The following SH2D3C variants were observed in gnomAD, a reference collection of about 807,000 sequenced individuals.
The protein encoded by SH2D3C is SH2 domain-containing protein 3C.
Under a neutral mutation model 75.2 loss-of-function variants are expected in SH2D3C, and 25 were observed. That is an observed-to-expected ratio of 0.33 (90% CI 0.24 to 0.46). The LOEUF (loss-of-function observed/expected upper bound fraction) is 0.46. Ranked by LOEUF, SH2D3C falls within the 20% of genes least tolerant of loss-of-function variation. The pLI, the probability that SH2D3C is intolerant of heterozygous loss-of-function variation, is 1.00. For missense variants in SH2D3C, 933 were observed against 1,165.3 expected, an observed-to-expected ratio of 0.80 and a Z score of 2.90; for synonymous variants, 450 against 473.7, an observed-to-expected ratio of 0.95 and a Z score of 0.65.
At chr9:127,750,217 G>A (rs1323559820) in intron 4 of SH2D3C, among the ~76,000 whole-genome samples, 1 of 151,556 alleles carries the variant, frequency 6.6e-6, no homozygotes, top group Non-Finnish European at 1.5e-5. Context: ...GCTGGAGTGA[G>A]GTGGCACACT....
intron 2 of SH2D3C, among the ~76,000 whole-genome samples, chr9:127,772,963 A>G (rs892772810): frequency 3.9e-5 from 6 of 151,960 alleles, no homozygotes; most frequent in South Asian, 2.1e-4. Flanking sequence ...CCTCCTGAGT[A>G]ACTGGGACTA....
rs774581895 is a variant in SH2D3C, at chr9:127,749,291, G to A, written c.1059C>T (p.Ser353=). The A allele has an allele frequency of 6.2e-7, 1 of 1,608,938 alleles. No homozygotes were observed. Among genetic ancestry groups the A allele is most frequent in the African/African-American group, 1.3e-5 (1 of 74,874 alleles). ...TGGTGACGCTGCGCCGCTTCATGTGGCTGCCCTTGGGGCCTGAGGGGCTGA... is the reference window on the plus strand; with the variant it reads ...TGGTGACGCTGCGCCGCTTCATGTGACTGCCCTTGGGGCCTGAGGGGCTGA... The part of the protein sequence containing the change: ...SPVSPSGPKG[S]HMKRRSVTMT... Residue 353 remains serine (S), a synonymous_variant, in exon 5 of 12, where the codon AGC becomes AGT. Transcript: ENST00000314830. The surrounding 1 kb of genome is among the most constrained non-coding windows in gnomAD (Gnocchi z 5.9).
rs756465731 is a variant in SH2D3C at position 127,774,439 on chromosome 9, A to G, written c.66T>C (p.Ser22=). The change falls in exon 2 of 12, where the codon AGT becomes AGC. Residue 22 remains serine, a synonymous_variant. Coordinates refer to ENST00000314830, the MANE Select transcript of SH2D3C (RefSeq NM_170600.3). The surrounding 1 kb of genome is among the most constrained non-coding windows in gnomAD (Gnocchi z 4.3). ...FKFFKFKGFG[S]LSNLPRSFTL... ...TGAAGGACCGAGGGAGGTTGGAGAG[A>G]CTCCCAAAGCCCTTGAACTTGAAGA... 6.3e-7 allele frequency: 1 copy of G among 1,594,072 alleles called. No homozygotes were observed.
At chr9:127,741,241 CTTT>C (rs71495658) in intron 9 of SH2D3C, among the ~76,000 whole-genome samples, 5 of 137,546 alleles carry the variant, frequency 3.6e-5, no homozygotes, top group South Asian at 2.3e-4. Context: ...TCTTCTTATT[CTTT>C]TTTTTTTTTT....
rs977908057 is a variant in SH2D3C, at chr9:127,754,491, C to A, written c.556-3191G>T. Among the ~76,000 whole-genome samples the A allele has an allele frequency of 6.6e-6, 1 of 152,204 alleles. No homozygotes were observed. Among genetic ancestry groups the A allele is most frequent in the Non-Finnish European group, 1.5e-5 (1 of 68,020 alleles). ...GGGGTCCGGGTCCTCCCCTCCACCC[C>A]CTTCCGTTTAACCCTCTCACCGCCG... On this transcript the variant is annotated intron_variant, in intron 3 of 11. Transcript: ENST00000314830. The surrounding 1 kb of genome is among the most constrained non-coding windows in gnomAD (Gnocchi z 4.4).
Position 127,739,885 on chromosome 9 carries a change from C to T in SH2D3C, c.2204G>A (p.Gly735Asp). Residue 735 changes from glycine (G) to aspartate (D), a missense_variant, in exon 11 of 12, where the codon GGC becomes GAC. By Grantham distance (94) the Gly-to-Asp change is moderately conservative. Coordinates refer to ENST00000314830, the MANE Select transcript of SH2D3C (RefSeq NM_170600.3). The surrounding 1 kb of genome is among the most constrained non-coding windows in gnomAD (Gnocchi z 4.3). ...AAACGTGGTGTTGCTCAGCGGCGGG[C>T]CTTCTGCAAGGAGAAAGGCAGCAGG... ...FLKSLNEGKE[G>D]PPLSNTTFPH... is the part of the protein sequence containing the mutation. The T allele has an allele frequency of 6.6e-7, 1 of 1,520,600 alleles. No homozygotes were observed. Among genetic ancestry groups the T allele is most frequent in the Non-Finnish European group, 8.9e-7 (1 of 1,127,866 alleles). The allele number at this position is 1,520,600 out of a possible 1,614,324, so 94.2% of individuals were successfully genotyped here. A position where few individuals can be genotyped will look rare whatever the true frequency, so the allele number is the denominator to read the frequency against.
chr9:127,757,666 T>TATC (rs1845429929), intron 3 of SH2D3C, among the ~76,000 whole-genome samples: 2 of 147,334 alleles, frequency 1.4e-5, no homozygotes, highest in South Asian at 2.1e-4. Flanking sequence ...TTATTATTAT[T>TATC]ATTTTGAGAT....
intron 10 of SH2D3C, 142 bp downstream of exon 10, chr9:127,740,116 C>T: frequency 2.5e-6 from 2 of 790,320 alleles, no homozygotes; most frequent in Non-Finnish European, 4.1e-6. Context: ...ACAGGGCTGA[C>T]ACAGCTGCCA....
chr9:127,755,246 G>T, intron 3 of SH2D3C: 1 of 1,179,606 alleles, frequency 8.5e-7, no homozygotes, highest in Non-Finnish European at 1.0e-6. Context: ...GCTAGGCACC[G>T]GCTGCGCGTG....
chr9:127,759,496 A>G (rs1845474274), intron 3 of SH2D3C, among the ~76,000 whole-genome samples: 1 of 151,912 alleles, frequency 6.6e-6, no homozygotes, highest in Admixed American at 6.6e-5. Flanking sequence ...GATTACAGGC[A>G]TGAGCCACTG....
At chr9:127,765,325 A>T (rs1367834320) in intron 2 of SH2D3C, among the ~76,000 whole-genome samples, 1 of 152,146 alleles carries the variant, frequency 6.6e-6, no homozygotes, top group African/African-American at 2.4e-5. Context: ...ATTTCCTCTC[A>T]TGCAGGGACT....
At chr9:127,759,169 T>C (rs1845465984) in intron 3 of SH2D3C, among the ~76,000 whole-genome samples, 1 of 152,136 alleles carries the variant, frequency 6.6e-6, no homozygotes, top group African/African-American at 2.4e-5. Context: ...AGACTAAAAT[T>C]TGTTTTTTAG....
chr9:127,776,455 G>C (rs1244768337), intron 1 of SH2D3C, among the ~76,000 whole-genome samples: 2 of 152,112 alleles, frequency 1.3e-5, no homozygotes, highest in Non-Finnish European at 2.9e-5. Flanking sequence ...CCCAGCTCCA[G>C]ACTCAAGAGG....
intron 2 of SH2D3C, chr9:127,767,187 G>C: frequency 6.5e-7 from 1 of 1,533,594 alleles, no homozygotes; most frequent in Non-Finnish European, 8.7e-7. Flanking sequence ...ACAGCCTTGT[G>C]AGGAGAAGGC....
intron 2 of SH2D3C, among the ~76,000 whole-genome samples, chr9:127,763,202 C>G (rs939983489): frequency 1.3e-5 from 2 of 152,232 alleles, no homozygotes; most frequent in Non-Finnish European, 2.9e-5. Context: ...TTCGGAGAAG[C>G]CTTCCCTGAC....
At chr9:127,775,860 G>C in intron 1 of SH2D3C, among the ~76,000 whole-genome samples, 1 of 151,606 alleles carries the variant, frequency 6.6e-6, no homozygotes. Context: ...ACAGAGTCTC[G>C]CTCTGTCACC....
chr9:127,767,060 C>T, intron 2 of SH2D3C: 2 of 1,536,216 alleles, frequency 1.3e-6, no homozygotes, highest in Non-Finnish European at 8.7e-7. Context: ...TTGGCCCTGC[C>T]CCACTCCCCA....
Position 127,738,565 on chromosome 9 carries a change from T to G in SH2D3C, c.*181A>C. Reference sequence around the variant, plus strand: ...TTCCTCAATGGAGACCTGGTGAGCATGTAGCAGGTGGGATGGAACCCAGAG... The same window carrying G: ...TTCCTCAATGGAGACCTGGTGAGCAGGTAGCAGGTGGGATGGAACCCAGAG... On this transcript the variant is annotated 3_prime_UTR_variant, in exon 12 of 12. Coordinates refer to ENST00000314830, the MANE Select transcript of SH2D3C (RefSeq NM_170600.3). This position sits in a 1 kb window ranked among gnomAD's most constrained non-coding sequence, Gnocchi z 5.0. 3.9e-6 allele frequency: 2 copies of G among 513,040 alleles called. No homozygotes were observed. The highest frequency in any genetic ancestry group is 6.5e-6 in the Non-Finnish European group (2 of 306,274). 31.8% of individuals were successfully genotyped at this position (513,040 alleles called of 1,614,324 possible). A position where few individuals can be genotyped will look rare whatever the true frequency, so the allele number is the denominator to read the frequency against.
intron 3 of SH2D3C, chr9:127,755,341 A>T: frequency 1.2e-5 from 6 of 492,104 alleles, no homozygotes; most frequent in African/African-American, 2.1e-5. Context: ...CCAGCCGGCC[A>T]GGGGAGGGGA....
Sources: gnomAD v4.1 joint callset for allele counts (sites outside exome capture counted in the v4.1 genomes callset) on GRCh38, gnomAD v4.1.1 for gene constraint, Gnocchi (gnomAD v3.1) non-coding constraint, MANE v1.5 for transcripts, NCBI Gene and HGNC (gene_info 2026-07-23, HGNC 2026-07-21) for gene names.